The following BAIAP2L1 variants were observed in gnomAD, a reference collection of about 807,000 sequenced individuals.
BAIAP2L1 encodes the protein BAR/IMD domain-containing adapter protein 2-like 1.
BAIAP2L1 carries 35 observed loss-of-function variants against 66.3 expected under a neutral mutation model. The observed-to-expected ratio is 0.53, with a 90% confidence interval of 0.40 to 0.70. The LOEUF is 0.70. Ranked by LOEUF, BAIAP2L1 falls within the 30% of genes least tolerant of loss-of-function variation. BAIAP2L1 has a pLI of 0.00. For synonymous variants in BAIAP2L1, 269 were observed against 248.7 expected (o/e 1.08, Z -0.77); for missense variants, 622 against 656.9 (o/e 0.95, Z 0.58).
intron 3 of BAIAP2L1, among the ~76,000 whole-genome samples, chr7:98,350,841 A>C (rs1215543797): frequency 6.6e-6 from 1 of 151,692 alleles, no homozygotes; most frequent in African/African-American, 2.4e-5. Flanking sequence ...CCCTGGAAAA[A>C]CAGCAATTAT....
At chr7:98,396,529 G>A (rs1387356881) in intron 1 of BAIAP2L1, among the ~76,000 whole-genome samples, 1 of 152,122 alleles carries the variant, frequency 6.6e-6, no homozygotes, top group African/African-American at 2.4e-5. Flanking sequence ...ACAAAGGCAT[G>A]GTAAGTGGGA....
chr7:98,317,033 T>C (rs1801095179), intron 6 of BAIAP2L1, among the ~76,000 whole-genome samples, 186 bp downstream of exon 6: 1 of 152,110 alleles, frequency 6.6e-6, no homozygotes, highest in Non-Finnish European at 1.5e-5. Flanking sequence ...AGCTAGTTTT[T>C]GTAGAGGCAA....
chr7:98,331,542 C>A (rs2115586654), intron 3 of BAIAP2L1, among the ~76,000 whole-genome samples: 1 of 148,376 alleles, frequency 6.7e-6, no homozygotes, highest in East Asian at 2.0e-4. Context: ...GATCTCGGCT[C>A]ACCGTGACCT....
intron 2 of BAIAP2L1, among the ~76,000 whole-genome samples, chr7:98,355,774 A>C (rs1802106321): frequency 1.3e-5 from 2 of 152,042 alleles, no homozygotes; most frequent in Non-Finnish European, 2.9e-5. Context: ...CCAGCCAGAA[A>C]TCTTTTCTGA....
chr7:98,357,049 ATTTTT>A (rs750965128), intron 2 of BAIAP2L1, among the ~76,000 whole-genome samples: 1,261 of 12,546 alleles, frequency 0.1, 127 homozygotes, highest in Non-Finnish European at 0.13. Context: ...ATATATATAT[ATTTTT>A]TTTTTTTTTT....
intron 1 of BAIAP2L1, among the ~76,000 whole-genome samples, chr7:98,381,170 T>C (rs943602409): frequency 6.6e-6 from 1 of 152,196 alleles, no homozygotes; most frequent in Non-Finnish European, 1.5e-5. Flanking sequence ...GCGTAGCAGT[T>C]GTTTTTCCAG....
rs372130950 is a variant in BAIAP2L1 at position 98,367,593 on chromosome 7, T to A, written c.52-5161A>T. Among the ~76,000 whole-genome samples the A allele has an allele frequency of 1.4e-3, 203 of 145,610 alleles. 1 individual carries two copies. The highest frequency in any genetic ancestry group is 4.6e-3 in the African/African-American group (185 of 39,824). On this transcript the variant is annotated intron_variant, in intron 1 of 13. Coordinates refer to ENST00000005260, the MANE Select transcript of BAIAP2L1 (RefSeq NM_018842.5). ...CTCTGTCGCCCAGGCTAGAGTGCAG[T>A]GACGCAATCTCGGCTCACTGCAAGC... is the stretch of plus-strand genomic sequence containing the variant.
chr7:98,320,122 T>C lies in BAIAP2L1; in HGVS notation c.284A>G (p.Lys95Arg). 1.2e-6 allele frequency: 2 copies of C among 1,612,154 alleles called. No individual in the cohort carries two copies. The highest frequency in any genetic ancestry group is 1.7e-6 in the Non-Finnish European group (2 of 1,178,554). ...LNESLDENFKKFHKEIIHELE... is the reference protein window; with the variant it reads ...LNESLDENFKRFHKEIIHELE... Reference sequence around the variant, plus strand: ...CTCATGGATAATCTCTTTGTGGAATTTTTTAAACTGTTAACAAAAGGAAAT... The same window carrying C: ...CTCATGGATAATCTCTTTGTGGAATCTTTTAAACTGTTAACAAAAGGAAAT... The change falls in exon 5 of 14, where the codon AAA becomes AGA. Residue 95 changes from lysine to arginine, a missense_variant. Coordinates refer to ENST00000005260, the MANE Select transcript of BAIAP2L1 (RefSeq NM_018842.5).
intron 3 of BAIAP2L1, among the ~76,000 whole-genome samples, chr7:98,330,919 G>A (rs538938334): frequency 9.9e-5 from 15 of 152,174 alleles, no homozygotes; most frequent in Admixed American, 4.6e-4. Context: ...AGCCTTTCAC[G>A]AGGAATCTGC....
chr7:98,339,269 C>G (rs191032206), intron 3 of BAIAP2L1, among the ~76,000 whole-genome samples: 1 of 152,104 alleles, frequency 6.6e-6, no homozygotes, highest in Non-Finnish European at 1.5e-5. Flanking sequence ...TGCATCTTTG[C>G]CAACACTTGT....
chr7:98,360,540 T>C (rs544849918), intron 2 of BAIAP2L1, among the ~76,000 whole-genome samples: 1 of 152,146 alleles, frequency 6.6e-6, no homozygotes, highest in South Asian at 2.1e-4. Context: ...CAAGAGCCCT[T>C]TGGGGAGAAG....
chr7:98,359,745 G>GTTTTTTTTTTTT (rs780836343), intron 2 of BAIAP2L1, among the ~76,000 whole-genome samples: 64 of 109,022 alleles, frequency 5.9e-4, no homozygotes, highest in Non-Finnish European at 7.7e-4. Context: ...GTAGACCTGG[G>GTTTTTTTTTTTT]TTTTTTTTTT....
At chr7:98,338,987 C>T (rs999025346) in intron 3 of BAIAP2L1, among the ~76,000 whole-genome samples, 3 of 150,998 alleles carry the variant, frequency 2.0e-5, no homozygotes, top group South Asian at 2.1e-4. Flanking sequence ...GCAGGAGAAT[C>T]GCTTGAACCC....
chr7:98,362,255 A>G (rs1802284032), intron 2 of BAIAP2L1, 102 bp downstream of exon 2: 1 of 851,648 alleles, frequency 1.2e-6, no homozygotes. Context: ...AACAATTTTT[A>G]ACCACTTAAA....
At position 98,355,081 on chromosome 7, in the gene BAIAP2L1, C is replaced by T. The variant is rs761520093; in HGVS notation, c.175G>A (p.Gly59Ser). The change falls in exon 3 of 14, where the codon GGT (glycine) becomes AGT (serine). Residue 59 changes from glycine (G) to serine (S), a missense_variant. Transcript: ENST00000005260. ...KAYYDGVAKI[G>S]EIATGSPVST... is the part of the protein sequence containing the mutation. ...ACGGGGGACCCAGTGGCAATCTCACCGATCTTGGCCACTCCATCGTAGTAG... is the reference window on the plus strand; with the variant it reads ...ACGGGGGACCCAGTGGCAATCTCACTGATCTTGGCCACTCCATCGTAGTAG... 1.2e-5 allele frequency: 19 copies of T among 1,613,862 alleles called. No individual in the cohort carries two copies. Among genetic ancestry groups the T allele is most frequent in the South Asian group, 5.5e-5 (5 of 91,074 alleles).
At chr7:98,337,531 A>T (rs536350804) in intron 3 of BAIAP2L1, among the ~76,000 whole-genome samples, 1 of 152,366 alleles carries the variant, frequency 6.6e-6, no homozygotes, top group South Asian at 2.1e-4. Context: ...TAAGGCAGCA[A>T]TCAGATGTTA....
rs1217190704 is a variant in BAIAP2L1, at chr7:98,362,217, C to T, written c.127+140G>A. ...CTAATATCATTGTGTACTGTCATTG[C>T]AAAGTTCTGTAGATTAAATTCATTG... On this transcript the variant is annotated intron_variant, in intron 2 of 13. Transcript: ENST00000005260. The T allele has an allele frequency of 6.2e-6, 4 of 645,026 alleles. No individual in the cohort carries two copies. In the East Asian group the frequency reaches 1.1e-4, roughly 18 times the overall value. 40.0% of individuals were successfully genotyped at this position (645,026 alleles called of 1,614,324 possible).
rs1201564084 is a variant in BAIAP2L1, at chr7:98,302,353, A to AT, written c.1422+1842dup. Among the ~76,000 whole-genome samples, 9 of 152,318 alleles carry AT rather than the reference A, an allele frequency of 5.9e-5. No individual in the cohort carries two copies. In the South Asian group the frequency reaches 1.5e-3, roughly 25 times the overall value. On this transcript the variant is annotated intron_variant, in intron 12 of 13. Coordinates refer to ENST00000005260, the MANE Select transcript of BAIAP2L1 (RefSeq NM_018842.5). Reference sequence around the variant, plus strand: ...TCTCACTTACAATGCCAGAGCTGTGATTTTTGGGGGCAAGATTCTTTTACC... The same window carrying AT: ...TCTCACTTACAATGCCAGAGCTGTGATTTTTTGGGGGCAAGATTCTTTTACC...
chr7:98,315,824 C>T (rs1801059768), intron 6 of BAIAP2L1, among the ~76,000 whole-genome samples: 1 of 152,074 alleles, frequency 6.6e-6, no homozygotes, highest in Non-Finnish European at 1.5e-5. Context: ...AGAGAAGTTG[C>T]CCAAGGGCTT....
Sources: gnomAD v4.1 joint callset for allele counts (sites outside exome capture counted in the v4.1 genomes callset) on GRCh38, gnomAD v4.1.1 for gene constraint, MANE v1.5 for transcripts, NCBI Gene and HGNC (gene_info 2026-07-23, HGNC 2026-07-21) for gene names.